Variants in SMAP2 observed in about 807,000 individuals in gnomAD.
SMAP2 encodes the protein stromal membrane-associated protein 2.
SMAP2 carries 25 observed loss-of-function variants against 56.4 expected under a neutral mutation model. That is an observed-to-expected ratio of 0.44 (90% CI 0.32 to 0.62). The LOEUF is 0.62. SMAP2 is among the 20% of genes least tolerant of loss of function. The pLI, the probability that SMAP2 is intolerant of heterozygous loss-of-function variation, is 0.04. For missense variants in SMAP2, 388 were observed against 545.6 expected, an observed-to-expected ratio of 0.71 and a Z score of 2.88; for synonymous variants, 157 against 181.7, an observed-to-expected ratio of 0.86 and a Z score of 1.09.
chr1:40,353,040 G>A lies in SMAP2; in HGVS notation c.-83+8130G>A, dbSNP rs545789188. ...ATGGACTCTATGGCAGACATTGTCC[G>A]GGGTTGCCCACAGCCATGTCCAGCA... On this transcript the variant is annotated intron_variant, in intron 1 of 6. Coordinates refer to the SMAP2 transcript ENST00000435168. Among the ~76,000 whole-genome samples the A allele has an allele frequency of 3.9e-5, 6 of 152,238 alleles. No homozygotes were observed. The South Asian group carries it at 6.2e-4, about 16-fold the overall frequency.
chr1:40,398,834 G>T (rs975258418), intron 1 of SMAP2, among the ~76,000 whole-genome samples: 1 of 152,118 alleles, frequency 6.6e-6, no homozygotes, highest in Non-Finnish European at 1.5e-5. Context: ...TTAAGCAAAT[G>T]TTGCTTCCCT....
chr1:40,365,918 C>T (rs563407057), intron 2 of SMAP2, among the ~76,000 whole-genome samples: 1 of 148,988 alleles, frequency 6.7e-6, no homozygotes, highest in Non-Finnish European at 1.5e-5. Context: ...TACGGGAGGA[C>T]ATTCAAACCA....
At chr1:40,360,948 C>A (rs752168506) in intron 1 of SMAP2, among the ~76,000 whole-genome samples, 5 of 152,218 alleles carry the variant, frequency 3.3e-5, no homozygotes, top group Non-Finnish European at 7.3e-5. Context: ...TGGGGACAGT[C>A]CTGATGCTAT....
intron 1 of SMAP2, among the ~76,000 whole-genome samples, chr1:40,382,841 C>G (rs1644612271): frequency 6.6e-6 from 1 of 152,182 alleles, no homozygotes; most frequent in African/African-American, 2.4e-5. Context: ...TTGGCACAGA[C>G]CAGGCTCTCA....
At chr1:40,355,060 C>T (rs1184819047) in intron 1 of SMAP2, among the ~76,000 whole-genome samples, 4 of 151,972 alleles carry the variant, frequency 2.6e-5, no homozygotes, top group East Asian at 1.9e-4. Context: ...CTGCCAGCCT[C>T]ACCCTCCCAA....
In SMAP2 at chr1:40,418,143, A is replaced by G. The variant is rs915235217; in HGVS notation, c.1164+1047A>G. On this transcript the variant is annotated intron_variant, in intron 9 of 9. Transcript: ENST00000372718. ...TTGCAGATAAGACAAAACACCTTAA[A>G]TCAGAAATTCAAAAACTTAAAGCCA... 9.2e-5 allele frequency among the ~76,000 whole-genome samples: 14 copies of G among 152,352 alleles called. 1 individual carries two copies. The highest frequency in any genetic ancestry group is 5.8e-4 in the East Asian group (3 of 5,190).
chr1:40,379,555 C>CTTTTTTTTTTT (rs35398664), intron 1 of SMAP2, among the ~76,000 whole-genome samples: 3 of 78,112 alleles, frequency 3.8e-5, no homozygotes, highest in Admixed American at 1.5e-4. Flanking sequence ...TGTTGTCTCT[C>CTTTTTTTTTTT]TTTTTTTTTT....
chr1:40,404,141 A>G (rs148787658), intron 1 of SMAP2, among the ~76,000 whole-genome samples: 100 of 152,256 alleles, frequency 6.6e-4, no homozygotes, highest in African/African-American at 2.0e-3. Context: ...CCATTTCCCC[A>G]TGTTTTCAGC....
intron 1 of SMAP2, among the ~76,000 whole-genome samples, chr1:40,404,941 G>A (rs1345467390): frequency 6.6e-6 from 1 of 152,116 alleles, no homozygotes; most frequent in Non-Finnish European, 1.5e-5. Flanking sequence ...AATGTGAAGG[G>A]ACTAAATATC....
chr1:40,408,806 T>A lies in SMAP2; in HGVS notation c.323+68T>A. 4.8e-6 allele frequency: 6 copies of A among 1,253,224 alleles called. No individual in the cohort carries two copies. The South Asian group carries it at 7.2e-5, about 15-fold the overall frequency. The allele number at this position is 1,253,224 out of a possible 1,614,324, so 77.6% of individuals were successfully genotyped here. On this transcript the variant is annotated intron_variant, in intron 3 of 9. Coordinates refer to ENST00000372718, the MANE Select transcript of SMAP2 (RefSeq NM_022733.3). The surrounding 1 kb of genome is among the most constrained non-coding windows in gnomAD (Gnocchi z 4.3). ...ATGCTTGGGGAGAGTCAGACAAGACTCCAGTCCTGTAATGTGACTGGGTCA... is the reference window on the plus strand; with the variant it reads ...ATGCTTGGGGAGAGTCAGACAAGACACCAGTCCTGTAATGTGACTGGGTCA...
upstream of SMAP2, among the ~76,000 whole-genome samples, chr1:40,372,972 A>G (rs994472716): frequency 1.3e-5 from 2 of 152,220 alleles, no homozygotes; most frequent in African/African-American, 2.4e-5. Flanking sequence ...ATCTGTAGCA[A>G]CGGTGGCTTT....
chr1:40,381,240 A>G (rs1051863475), intron 1 of SMAP2, among the ~76,000 whole-genome samples: 4 of 152,232 alleles, frequency 2.6e-5, no homozygotes, highest in African/African-American at 9.6e-5. Context: ...TTTCTCAGAC[A>G]TTGTACCGGG....
chr1:40,352,562 A>G (rs1042729351), intron 1 of SMAP2, among the ~76,000 whole-genome samples: 32 of 152,048 alleles, frequency 2.1e-4, no homozygotes, highest in African/African-American at 7.7e-4. Context: ...TTTTAAAGAC[A>G]GGATCTTGCT....
At chr1:40,421,782 C>T (rs1217805708) in intron 9 of SMAP2, among the ~76,000 whole-genome samples, 194 bp from the exon 10 acceptor site, 1 of 152,230 alleles carries the variant, frequency 6.6e-6, no homozygotes, top group Non-Finnish European at 1.5e-5. Context: ...CAGCATTGCA[C>T]TCCCAAAAGG....
chr1:40,364,643 C>T, intron 2 of SMAP2: 1 of 151,884 alleles, frequency 6.6e-6, no homozygotes, highest in Non-Finnish European at 1.5e-5. Flanking sequence ...ACTCAGGAGG[C>T]TGAGGTGGGA....
intron 1 of SMAP2, among the ~76,000 whole-genome samples, chr1:40,397,620 C>T (rs1644785141): frequency 6.6e-6 from 1 of 152,034 alleles, no homozygotes; most frequent in Admixed American, 6.6e-5. Flanking sequence ...TTATTGTGTA[C>T]CATCTTCTGT....
intron 1 of SMAP2, among the ~76,000 whole-genome samples, chr1:40,382,171 T>C (rs1390592291): frequency 1.4e-4 from 21 of 152,220 alleles, no homozygotes; most frequent in Admixed American, 1.4e-3. Context: ...AGGTGGCAGC[T>C]TTCTTGGGCA....
intron 1 of SMAP2, among the ~76,000 whole-genome samples, chr1:40,350,019 C>A (rs1013140073): frequency 2.0e-5 from 3 of 152,160 alleles, no homozygotes; most frequent in Non-Finnish European, 4.4e-5. Flanking sequence ...TACTCCCAGG[C>A]CTCCCGGAGG....
intron 1 of SMAP2, among the ~76,000 whole-genome samples, chr1:40,354,900 C>T (rs1404463446): frequency 1.3e-5 from 2 of 148,350 alleles, no homozygotes; most frequent in Non-Finnish European, 3.0e-5. Context: ...TCTCCTGCCT[C>T]AGTCTCCTGA....
Sources: allele counts gnomAD v4.1 joint callset (sites outside exome capture counted in the v4.1 genomes callset), GRCh38; gene constraint gnomAD v4.1.1; non-coding constraint Gnocchi (gnomAD v3.1); transcripts MANE v1.5; gene names NCBI Gene and HGNC (gene_info 2026-07-23, HGNC 2026-07-21).